The following SH3YL1 variants were observed in gnomAD, a reference collection of about 807,000 sequenced individuals.
SH3YL1 encodes SH3 domain-containing YSC84-like protein 1.
SH3YL1 carries 41 observed loss-of-function variants against 45.8 expected under a neutral mutation model. The ratio of observed to expected loss-of-function variants is 0.89; its 90% CI spans 0.70 to 1.16. SH3YL1 has a LOEUF of 1.16. Ranked by LOEUF, SH3YL1 falls within the 50% of genes most tolerant of loss-of-function variation. SH3YL1 has a pLI of 0.00. For synonymous variants in SH3YL1, 152 were observed against 151.4 expected, an observed-to-expected ratio of 1.00 and a Z score of -0.03; for missense variants, 389 against 409.6, an observed-to-expected ratio of 0.95 and a Z score of 0.43.
rs748875711 is a variant in SH3YL1, at chr2:224,856, T to C, written c.838+8A>G. 2 of 1,584,412 alleles carry C rather than the reference T, an allele frequency of 1.3e-6. No homozygotes were observed. The highest frequency in any genetic ancestry group is 1.7e-4 in the Middle Eastern group (1 of 5,902). On this transcript the variant is annotated splice_region_variant and intron_variant, in intron 9 of 9. Coordinates refer to ENST00000356150, the MANE Select transcript of SH3YL1 (RefSeq NM_015677.4). Reference sequence around the variant, plus strand: ...AATCATTTATAACATATAGATTTACTGATTTACCAACTCTCTCATGATAGC... The same window carrying C: ...AATCATTTATAACATATAGATTTACCGATTTACCAACTCTCTCATGATAGC...
chr2:245,498 T>C (rs962594645), intron 4 of SH3YL1, among the ~76,000 whole-genome samples: 1 of 152,200 alleles, frequency 6.6e-6, no homozygotes, highest in African/African-American at 2.4e-5. Context: ...TATAAATCCA[T>C]ATTTAATCAT....
At chr2:244,064 C>T (rs1026367748) in intron 4 of SH3YL1, among the ~76,000 whole-genome samples, 3 of 152,174 alleles carry the variant, frequency 2.0e-5, no homozygotes, top group Non-Finnish European at 4.4e-5. Context: ...GCAGACGCTT[C>T]CCAATCTGCC....
intron 4 of SH3YL1, among the ~76,000 whole-genome samples, chr2:245,924 G>A (rs1572168155): frequency 6.6e-6 from 1 of 152,054 alleles, no homozygotes; most frequent in Non-Finnish European, 1.5e-5. Context: ...GGCCCAGCAC[G>A]GTGGCTCATG....
intron 1 of SH3YL1, among the ~76,000 whole-genome samples, chr2:254,610 T>C (rs1254831560): frequency 6.6e-6 from 1 of 152,130 alleles, no homozygotes; most frequent in Non-Finnish European, 1.5e-5. Flanking sequence ...GGAAAATAAA[T>C]CTCAGGACCC....
At chr2:245,200 A>G (rs1668741977) in intron 4 of SH3YL1, among the ~76,000 whole-genome samples, 1 of 152,186 alleles carries the variant, frequency 6.6e-6, no homozygotes, top group Non-Finnish European at 1.5e-5. Flanking sequence ...AATTACACGC[A>G]GAGACTTATC....
At chr2:241,470 A>G (rs1668540050) in intron 4 of SH3YL1, 1 of 152,158 alleles carries the variant, frequency 6.6e-6, no homozygotes, top group African/African-American at 2.4e-5. Context: ...AAAAAGAGAA[A>G]GAAGCAGAAA....
intron 9 of SH3YL1, among the ~76,000 whole-genome samples, chr2:221,941 A>C (rs945936702): frequency 5.3e-5 from 8 of 152,146 alleles, no homozygotes; most frequent in African/African-American, 1.9e-4. Flanking sequence ...TATTAGAGAT[A>C]ATTTTCACAA....
intron 4 of SH3YL1, among the ~76,000 whole-genome samples, chr2:235,278 C>G (rs552242230): frequency 6.6e-6 from 1 of 152,362 alleles, no homozygotes; most frequent in East Asian, 1.9e-4. Flanking sequence ...AAATTAATCA[C>G]TGCAATGTGG....
intron 3 of SH3YL1, among the ~76,000 whole-genome samples, chr2:248,550 C>T (rs1668937083): frequency 6.6e-6 from 1 of 152,160 alleles, no homozygotes; most frequent in Admixed American, 6.5e-5. Context: ...GCAGCTGCAG[C>T]TCAGGAAGAA....
intron 4 of SH3YL1, among the ~76,000 whole-genome samples, chr2:242,505 C>T (rs1388959876): frequency 1.3e-5 from 2 of 151,738 alleles, no homozygotes; most frequent in Non-Finnish European, 2.9e-5. Flanking sequence ...AAGAAAATGA[C>T]TCAAAAATAG....
At chr2:229,728 C>CAAAAAA (rs397709071) in intron 8 of SH3YL1, among the ~76,000 whole-genome samples, 19 of 93,280 alleles carry the variant, frequency 2.0e-4, no homozygotes, top group Non-Finnish European at 2.2e-4. Flanking sequence ...GACTCCGTCT[C>CAAAAAA]AAAAAAAAAA....
chr2:250,139 TAGC>T (rs559244335), intron 2 of SH3YL1, among the ~76,000 whole-genome samples: 221 of 152,344 alleles, frequency 1.5e-3, no homozygotes, highest in African/African-American at 5.2e-3. Flanking sequence ...TGCTATCTAT[TAGC>T]AGGGCAAATA....
chr2:262,458 T>G lies in SH3YL1; in HGVS notation c.1+1526A>C, dbSNP rs780636780. On this transcript the variant is annotated intron_variant, in intron 1 of 9. Coordinates refer to ENST00000356150, the MANE Select transcript of SH3YL1 (RefSeq NM_015677.4). ...GAAAGCCCTTTATTTATTCCTGCCC[T>G]TCCTCTTCTCCAACTGAAGAGTGTG... The G allele has an allele frequency of 2.2e-5, 12 of 546,226 alleles. No individual in the cohort carries two copies. In the African/African-American group the frequency reaches 2.2e-4, roughly 10 times the overall value. 33.8% of individuals were successfully genotyped at this position (546,226 alleles called of 1,614,324 possible).
chr2:234,313 T>C (rs1292917646), intron 4 of SH3YL1, 41 bp from the exon 5 acceptor site: 4 of 1,451,172 alleles, frequency 2.8e-6, no homozygotes, highest in Non-Finnish European at 3.8e-6. Context: ...TCGTTAAGAC[T>C]AAATATCATT....
In SH3YL1 at chr2:231,232, A is replaced by C. The variant is rs554277084; in HGVS notation, c.534-41T>G. The C allele has an allele frequency of 2.7e-6, 4 of 1,467,292 alleles. No individual in the cohort carries two copies. In the African/African-American group the frequency reaches 4.2e-5, roughly 16 times the overall value. 90.9% of individuals were successfully genotyped at this position (1,467,292 alleles called of 1,614,324 possible). ...AAATTAAAAACATTTTAATATACACAAATCTTTTCTAGAGTTAAACATAGC... is the reference window on the plus strand; with the variant it reads ...AAATTAAAAACATTTTAATATACACCAATCTTTTCTAGAGTTAAACATAGC... On this transcript the variant is annotated intron_variant, in intron 6 of 9. Coordinates refer to ENST00000356150, the MANE Select transcript of SH3YL1 (RefSeq NM_015677.4).
intron 9 of SH3YL1, among the ~76,000 whole-genome samples, chr2:224,335 T>C (rs1209584497): frequency 1.3e-5 from 2 of 152,188 alleles, no homozygotes; most frequent in Admixed American, 1.3e-4. Flanking sequence ...AACAAAACAT[T>C]TGAATGTGAA....
At chr2:241,961 CA>C (rs1668565786) in intron 4 of SH3YL1, 1 of 152,034 alleles carries the variant, frequency 6.6e-6, no homozygotes, top group South Asian at 2.1e-4. Flanking sequence ...TTTAAATCCA[CA>C]CTTTAAAAAA....
intron 8 of SH3YL1, among the ~76,000 whole-genome samples, chr2:229,263 C>T (rs1480548960): frequency 6.6e-6 from 1 of 151,852 alleles, no homozygotes; most frequent in Non-Finnish European, 1.5e-5. Flanking sequence ...ATCCTGAGCT[C>T]CAAAGAACAT....
chr2:221,834 T>G (rs1460348688), intron 9 of SH3YL1, among the ~76,000 whole-genome samples: 2 of 152,174 alleles, frequency 1.3e-5, no homozygotes, highest in Non-Finnish European at 2.9e-5. Flanking sequence ...CCTATCTGCT[T>G]TCTCAGATAA....
Sources: gnomAD v4.1 joint callset for allele counts (sites outside exome capture counted in the v4.1 genomes callset) on GRCh38, gnomAD v4.1.1 for gene constraint, MANE v1.5 for transcripts, NCBI Gene and HGNC (gene_info 2026-07-23, HGNC 2026-07-21) for gene names.